The following RAP1GAP2 variants were observed in gnomAD, a reference collection of about 807,000 sequenced individuals.
RAP1GAP2 encodes the protein rap1 GTPase-activating protein 2.
A neutral mutation model predicts 95.0 loss-of-function variants in RAP1GAP2; 27 were observed. The ratio of observed to expected loss-of-function variants is 0.28; its 90% confidence interval spans 0.21 to 0.39. RAP1GAP2 has a LOEUF of 0.39. Among genes scored for constraint, RAP1GAP2 ranks in the 10% least tolerant of loss-of-function variants. The pLI, the probability that RAP1GAP2 is intolerant of heterozygous loss-of-function variation, is 1.00. For missense variants in RAP1GAP2, 771 were observed against 970.0 expected, an observed-to-expected ratio of 0.79 and a Z score of 2.72; for synonymous variants, 373 against 380.9, an observed-to-expected ratio of 0.98 and a Z score of 0.24.
At position 2,827,151 on chromosome 17, in the gene RAP1GAP2, T is replaced by G. The variant is rs2070604732; in HGVS notation, c.80+26601T>G. Among the ~76,000 whole-genome samples, 1 of 152,182 alleles carries G rather than the reference T, an allele frequency of 6.6e-6. No individual in the cohort carries two copies. Among genetic ancestry groups the G allele is most frequent in the African/African-American group, 2.4e-5 (1 of 41,456 alleles). On this transcript the variant is annotated intron_variant, in intron 2 of 24. Transcript: ENST00000254695. The surrounding 1 kb of genome is among the most constrained non-coding windows in gnomAD (Gnocchi z 4.1). ...GGAAGCCTAGTAGCAGAGAAGATGA[T>G]GCCTTCGGCCTTGAGTGTGGTGCGT...
chr17:2,757,568 A>G (rs1158414264), intron 1 of RAP1GAP2, among the ~76,000 whole-genome samples: 4 of 152,140 alleles, frequency 2.6e-5, no homozygotes, highest in Non-Finnish European at 5.9e-5. Context: ...ACATGACATC[A>G]TGGGAACTGG....
intron 2 of RAP1GAP2, among the ~76,000 whole-genome samples, chr17:2,884,018 C>CCT (rs893650591): frequency 6.6e-6 from 1 of 152,234 alleles, no homozygotes; most frequent in South Asian, 2.1e-4. Context: ...ACCTCCGCCT[C>CCT]CTCTCTCTCC....
rs192040850 is a variant in RAP1GAP2 at position 2,902,442 on chromosome 17, C to T, written c.81-2842C>T. Among the ~76,000 whole-genome samples, 8 of 152,266 alleles carry T rather than the reference C, an allele frequency of 5.3e-5. No individual in the cohort carries two copies. The highest frequency in any genetic ancestry group is 5.2e-4 in the Admixed American group (8 of 15,296). ...ACGTTGAACAGGCTGGTTTGGAACT[C>T]CTGACCTCAAGTGATCCACCCCCGT... On this transcript the variant is annotated intron_variant, in intron 2 of 24. Transcript: ENST00000254695. The surrounding 1 kb of genome is among the most constrained non-coding windows in gnomAD (Gnocchi z 4.1).
intron 11 of RAP1GAP2, among the ~76,000 whole-genome samples, chr17:2,985,703 C>CA (rs1222888827): frequency 8.5e-5 from 13 of 152,294 alleles, no homozygotes; most frequent in African/African-American, 3.1e-4. Flanking sequence ...CCATGTTTCT[C>CA]AAAGTGTGTT....
chr17:2,863,653 G>T (rs1019020301), intron 2 of RAP1GAP2, among the ~76,000 whole-genome samples: 1 of 152,168 alleles, frequency 6.6e-6, no homozygotes, highest in Non-Finnish European at 1.5e-5. Flanking sequence ...GATGATACCT[G>T]TTGTCAAGAG....
In RAP1GAP2 at chr17:2,953,493, T is replaced by G. The variant is rs538468779; in HGVS notation, c.166-4266T>G. Among the ~76,000 whole-genome samples, 11 of 152,354 alleles carry G rather than the reference T, an allele frequency of 7.2e-5. No individual in the cohort carries two copies. The South Asian group carries it at 2.3e-3, about 32-fold the overall frequency. ...GTTGCTGTCTTTTTGAATGATTGTA[T>G]AGTTTTTTTGAACAGCTTTATTGAG... is the stretch of plus-strand genomic sequence containing the variant. On this transcript the variant is annotated intron_variant, in intron 3 of 24. Transcript: ENST00000254695.
intron 2 of RAP1GAP2, among the ~76,000 whole-genome samples, chr17:2,805,321 G>T (rs2069467526): frequency 6.6e-6 from 1 of 152,008 alleles, no homozygotes; most frequent in Non-Finnish European, 1.5e-5. Context: ...CGGAACGGGA[G>T]GATCTGAGCT....
At chr17:2,807,993 G>T (rs2069595008) in intron 2 of RAP1GAP2, among the ~76,000 whole-genome samples, 1 of 152,224 alleles carries the variant, frequency 6.6e-6, no homozygotes. Flanking sequence ...ACTGTTTCCA[G>T]CGGGGAGGAT....
chr17:2,897,687 A>T (rs2041883124), intron 2 of RAP1GAP2, among the ~76,000 whole-genome samples: 2 of 151,776 alleles, frequency 1.3e-5, no homozygotes, highest in South Asian at 2.1e-4. Flanking sequence ...CCCACTTCCC[A>T]CAAGCCTGGG....
At chr17:3,017,945 GTGTA>G in intron 17 of RAP1GAP2, 112 bp from the exon 18 acceptor site, 7 of 877,900 alleles carry the variant, frequency 8.0e-6, no homozygotes, top group Admixed American at 2.8e-5. Flanking sequence ...GTGTGTGTGT[GTGTA>G]TGTGTGCACG....
chr17:2,903,090 C>A lies in RAP1GAP2; in HGVS notation c.81-2194C>A, dbSNP rs1215410384. On this transcript the variant is annotated intron_variant, in intron 2 of 24. Coordinates refer to ENST00000254695, the MANE Select transcript of RAP1GAP2 (RefSeq NM_015085.5). This position sits in a 1 kb window ranked among gnomAD's most constrained non-coding sequence, Gnocchi z 4.1. ...ATCTCCAGAGGCCCTCTGCTAAGCC[C>A]AGAGTCGCCCTATAGCATCTGGTGG... is the stretch of plus-strand genomic sequence containing the variant. Among the ~76,000 whole-genome samples, 2 of 152,188 alleles carry A rather than the reference C, an allele frequency of 1.3e-5. No individual in the cohort carries two copies. Among genetic ancestry groups the A allele is most frequent in the Admixed American group, 6.5e-5 (1 of 15,282 alleles).
chr17:2,922,593 CG>C (rs1326642042), intron 3 of RAP1GAP2, among the ~76,000 whole-genome samples: 1 of 152,050 alleles, frequency 6.6e-6, no homozygotes, highest in African/African-American at 2.4e-5. Context: ...CAGGGTGTTG[CG>C]GGGCTGGGAG....
rs139472621 is a variant in RAP1GAP2, at chr17:2,815,857, C to T, written c.80+15307C>T. Among the ~76,000 whole-genome samples, 85 of 152,368 alleles carry T rather than the reference C, an allele frequency of 5.6e-4. 1 individual carries two copies. Among genetic ancestry groups the T allele is most frequent in the Admixed American group, 1.2e-3 (18 of 15,312 alleles). On this transcript the variant is annotated intron_variant, in intron 2 of 24. Coordinates refer to ENST00000254695, the MANE Select transcript of RAP1GAP2 (RefSeq NM_015085.5). ...ACTGTGCGATGTGCCCTCGTGCCTG[C>T]AGGCGTACCTACGCAGGCACACTGA...
In RAP1GAP2 at chr17:2,961,331, A is replaced by G. The variant is rs1042243540; in HGVS notation, c.202-1339A>G. Reference sequence around the variant, plus strand: ...GGAGTTCGAGACCAGCCTGGCCAACATGGTGAAACCTCGTCTCTACTAAAA... The same window carrying G: ...GGAGTTCGAGACCAGCCTGGCCAACGTGGTGAAACCTCGTCTCTACTAAAA... On this transcript the variant is annotated intron_variant, in intron 4 of 24. Transcript: ENST00000254695. 2.0e-5 allele frequency among the ~76,000 whole-genome samples: 3 copies of G among 152,286 alleles called. No homozygotes were observed. The East Asian group carries it at 5.8e-4, about 29-fold the overall frequency.
rs112115882 is a variant in RAP1GAP2, at chr17:2,998,410, G to A, written c.1200+34G>A. ...AACGCCTTGTTGGAGGGAGTGGTGG[G>A]CCTCGACACCTCACCCTGTGTGGAT... On this transcript the variant is annotated intron_variant, in intron 14 of 24. Transcript: ENST00000254695. 7,697 of 1,608,004 alleles carry A rather than the reference G, an allele frequency of 4.8e-3. 310 individuals carry two copies. The African/African-American group carries it at 0.087, about 18-fold the overall frequency.
chr17:3,002,560 C>G (rs984318702), intron 14 of RAP1GAP2, among the ~76,000 whole-genome samples: 6 of 152,208 alleles, frequency 3.9e-5, no homozygotes, highest in Admixed American at 6.5e-5. Context: ...GAAGCAGGAC[C>G]TTAGCTGGCC....
intron 3 of RAP1GAP2, among the ~76,000 whole-genome samples, chr17:2,931,122 A>G (rs1373160596): frequency 7.5e-5 from 1 of 13,336 alleles, no homozygotes; most frequent in African/African-American, 1.2e-4. Flanking sequence ...ACTCCATCTC[A>G]AAAAAAAAAA....
At chr17:2,969,124 A>G (rs2044738604) in intron 8 of RAP1GAP2, among the ~76,000 whole-genome samples, 1 of 151,296 alleles carries the variant, frequency 6.6e-6, no homozygotes, top group Non-Finnish European at 1.5e-5. Flanking sequence ...TAGAAATGAC[A>G]TTTATTCATC....
intron 18 of RAP1GAP2, among the ~76,000 whole-genome samples, chr17:3,019,706 G>T (rs1415424461): frequency 6.6e-6 from 1 of 152,054 alleles, no homozygotes; most frequent in African/African-American, 2.4e-5. Flanking sequence ...GGTGCATGGC[G>T]TGAGCAGAGC....
Sources: gnomAD v4.1 joint callset for allele counts (sites outside exome capture counted in the v4.1 genomes callset) on GRCh38, gnomAD v4.1.1 for gene constraint, Gnocchi (gnomAD v3.1) non-coding constraint, MANE v1.5 for transcripts, NCBI Gene and HGNC (gene_info 2026-07-23, HGNC 2026-07-21) for gene names.